The following ZNF365 variants were observed in gnomAD, a reference collection of about 807,000 sequenced individuals.
ZNF365 encodes zinc finger protein 365, also known as protein ZNF365.
Under a neutral mutation model 35.0 loss-of-function variants are expected in ZNF365, and 22 were observed. The ratio of observed to expected loss-of-function variants is 0.63; its 90% CI spans 0.45 to 0.90. The LOEUF is 0.90. Among genes scored for constraint, ZNF365 ranks in the 40% least tolerant of loss-of-function variants. ZNF365 has a pLI of 0.00. For missense variants in ZNF365, 448 were observed against 500.3 expected (o/e 0.90, Z 1.00); for synonymous variants, 188 against 196.2 (o/e 0.96, Z 0.35).
At chr10:62,405,483 C>T (rs1030089094), downstream of ZNF365, among the ~76,000 whole-genome samples, 1 of 152,072 alleles carries the variant, frequency 6.6e-6, no homozygotes, top group South Asian at 2.1e-4. Flanking sequence ...GCTCCTTCAC[C>T]GTGTTCTGCC....
At position 62,452,053 on chromosome 10, in the gene ZNF365, G is replaced by A. The variant is rs561865449; in HGVS notation, c.925-7688G>A. 2.1e-4 allele frequency among the ~76,000 whole-genome samples: 32 copies of A among 152,294 alleles called. 1 individual carries two copies. In the South Asian group the frequency reaches 6.2e-3, roughly 30 times the overall value. ...TTACCAGTGCAGAAACTGAATTTCG[G>A]GGAAGTTGTGATTCCCGAAGGTCTA... On this transcript the variant is annotated intron_variant, in intron 3 of 4. Coordinates refer to the ZNF365 transcript ENST00000395255.
chr10:62,474,699 T>A (rs1841099278), intron 4 of ZNF365, among the ~76,000 whole-genome samples: 1 of 152,222 alleles, frequency 6.6e-6, no homozygotes, highest in Non-Finnish European at 1.5e-5. Context: ...CAGATATGCA[T>A]ATTCACCTTC....
At chr10:62,381,937 T>C (rs1564567338) in intron 2 of ZNF365, among the ~76,000 whole-genome samples, 1 of 152,234 alleles carries the variant, frequency 6.6e-6, no homozygotes, top group Non-Finnish European at 1.5e-5. Context: ...GAGTGTTTGC[T>C]GAGCAGCAGA....
At chr10:62,415,717 G>A (rs1840063361) in intron 3 of ZNF365, among the ~76,000 whole-genome samples, 1 of 152,094 alleles carries the variant, frequency 6.6e-6, no homozygotes, top group Non-Finnish European at 1.5e-5. Flanking sequence ...GTCTTGAAGG[G>A]TTGTGTGTTT....
intron 3 of ZNF365, among the ~76,000 whole-genome samples, chr10:62,455,799 A>G (rs1185414968): frequency 6.6e-6 from 1 of 152,194 alleles, no homozygotes; most frequent in East Asian, 1.9e-4. Flanking sequence ...GTATTCTGCC[A>G]TTTTACTGAT....
intron 3 of ZNF365, among the ~76,000 whole-genome samples, chr10:62,438,895 C>T (rs916330528): frequency 5.3e-5 from 8 of 152,166 alleles, no homozygotes; most frequent in African/African-American, 1.9e-4. Flanking sequence ...AAAGAATTTG[C>T]CTGGTCTCTA....
chr10:62,456,917 G>A (rs1367643464), intron 3 of ZNF365, among the ~76,000 whole-genome samples: 1 of 152,196 alleles, frequency 6.6e-6, no homozygotes, highest in Non-Finnish European at 1.5e-5. Flanking sequence ...TGGGTTGGCT[G>A]AGGTCAGATG....
chr10:62,457,313 T>G (rs1053328664), intron 3 of ZNF365, among the ~76,000 whole-genome samples: 1 of 152,238 alleles, frequency 6.6e-6, no homozygotes, highest in South Asian at 2.1e-4. Flanking sequence ...CAGAGAATAT[T>G]TCTGCACAAT....
exon 5 of ZNF365, chr10:62,480,021 T>G (rs1841197336): frequency 1.4e-6 from 2 of 1,478,374 alleles, no homozygotes; most frequent in African/African-American, 2.8e-5. Flanking sequence ...TCCAGGAACT[T>G]TACAAGAAAC....
At chr10:62,421,454 G>T (rs565290444) in intron 3 of ZNF365, among the ~76,000 whole-genome samples, 4 of 152,280 alleles carry the variant, frequency 2.6e-5, no homozygotes, top group African/African-American at 9.6e-5. Flanking sequence ...TCTATACTCA[G>T]TTAAGCGGGT....
intron 3 of ZNF365, among the ~76,000 whole-genome samples, chr10:62,443,292 A>G (rs550277448): frequency 6.6e-6 from 1 of 152,316 alleles, no homozygotes; most frequent in African/African-American, 2.4e-5. Context: ...ATAATTAGTT[A>G]TTCCATTCCT....
At chr10:62,479,110 A>C (rs904335747) in intron 4 of ZNF365, among the ~76,000 whole-genome samples, 1 of 152,208 alleles carries the variant, frequency 6.6e-6, no homozygotes, top group South Asian at 2.1e-4. Flanking sequence ...ATTCTGTCCA[A>C]TTAAAGGGAT....
intron 4 of ZNF365, among the ~76,000 whole-genome samples, chr10:62,472,377 G>C (rs1841056671): frequency 6.6e-6 from 1 of 152,204 alleles, no homozygotes; most frequent in Non-Finnish European, 1.5e-5. Context: ...TCCTAAACCT[G>C]AGTATGCAGA....
chr10:62,394,544 T>C (rs1259436984), intron 3 of ZNF365, among the ~76,000 whole-genome samples: 1 of 152,170 alleles, frequency 6.6e-6, no homozygotes, highest in East Asian at 1.9e-4. Context: ...TTTTGACAGA[T>C]GGGATAGTAG....
rs573742344 is a variant in ZNF365 at position 62,453,162 on chromosome 10, A to C, written c.925-6579A>C. On this transcript the variant is annotated intron_variant, in intron 3 of 4. Coordinates refer to the ZNF365 transcript ENST00000395255. Reference sequence around the variant, plus strand: ...AATTTTTTAAATAAATTGATGAGGTACAAATTTAATTTTATTACATCCATA... The same window carrying C: ...AATTTTTTAAATAAATTGATGAGGTCCAAATTTAATTTTATTACATCCATA... Among the ~76,000 whole-genome samples, 11 of 152,370 alleles carry C rather than the reference A, an allele frequency of 7.2e-5. No homozygotes were observed. In the East Asian group the frequency reaches 2.1e-3, roughly 29 times the overall value.
At position 62,439,656 on chromosome 10, in the gene ZNF365, A is replaced by G. The variant is rs73290621; in HGVS notation, c.925-20085A>G. Among the ~76,000 whole-genome samples the G allele has an allele frequency of 4.3e-3, 658 of 152,348 alleles. 3 individuals are homozygous for G. The highest frequency in any genetic ancestry group is 0.015 in the African/African-American group (630 of 41,584). On this transcript the variant is annotated intron_variant, in intron 3 of 4. Transcript: ENST00000395255. ...GATCTGCAAAATTATCTTGTGAACAAAATGGGAAACCCAAGGGACTCTTGA... is the reference window on the plus strand; with the variant it reads ...GATCTGCAAAATTATCTTGTGAACAGAATGGGAAACCCAAGGGACTCTTGA...
intron 3 of ZNF365, among the ~76,000 whole-genome samples, chr10:62,444,017 T>C (rs1840544584): frequency 6.6e-6 from 1 of 152,128 alleles, no homozygotes; most frequent in Non-Finnish European, 1.5e-5. Context: ...TGACAAAAGT[T>C]TTGGACTGAT....
chr10:62,383,555 G>T (rs931409812), intron 2 of ZNF365, among the ~76,000 whole-genome samples: 4 of 152,238 alleles, frequency 2.6e-5, no homozygotes, highest in Admixed American at 6.5e-5. Flanking sequence ...ATGGTTTGTT[G>T]ATAGTAGATT....
At position 62,400,948 on chromosome 10, in the gene ZNF365, T is replaced by G. The variant is rs1388495480; in HGVS notation, c.*1159T>G. On this transcript the variant is annotated 3_prime_UTR_variant, in exon 5 of 5. Coordinates refer to ENST00000395254, the MANE Select transcript of ZNF365 (RefSeq NM_014951.3). ...CTGACACTGTCTTCCCCTCCTTCCC[T>G]CCCTAAAATGGCTTTAGTTTCCACA... is the stretch of plus-strand genomic sequence containing the variant. 12 of 985,394 alleles carry G rather than the reference T, an allele frequency of 1.2e-5. No homozygotes were observed. Among genetic ancestry groups the G allele is most frequent in the African/African-American group, 1.7e-5 (1 of 57,226 alleles). The allele number at this position is 985,394 out of a possible 1,614,324, so 61.0% of individuals were successfully genotyped here.
Sources: gnomAD v4.1 joint callset for allele counts (sites outside exome capture counted in the v4.1 genomes callset) on GRCh38, gnomAD v4.1.1 for gene constraint, MANE v1.5 for transcripts, NCBI Gene and HGNC (gene_info 2026-07-23, HGNC 2026-07-21) for gene names.